PPP2R2B: variants seen among roughly 807,000 people sequenced by gnomAD.
The protein encoded by PPP2R2B is protein phosphatase 2 regulatory subunit Bbeta.
In PPP2R2B, 5 loss-of-function variants were observed where a neutral mutation model predicts 46.0. The ratio of observed to expected loss-of-function variants is 0.11; its 90% CI spans 0.06 to 0.23. The LOEUF (loss-of-function observed/expected upper bound fraction) is 0.23, where lower values mean the gene tolerates loss of function less well. Ranked by LOEUF, PPP2R2B falls within the 10% of genes least tolerant of loss-of-function variation. The probability of loss-of-function intolerance (pLI) is 1.00; values close to 1 mark genes in which losing one functional copy is unlikely to be tolerated. For missense variants in PPP2R2B, 367 were observed against 575.0 expected (o/e 0.64, Z 3.70); for synonymous variants, 215 against 206.7 (o/e 1.04, Z -0.34).
chr5:146,785,636 C>T (rs562332775), intron 2 of PPP2R2B, among the ~76,000 whole-genome samples: 2 of 152,208 alleles, frequency 1.3e-5, no homozygotes, highest in Non-Finnish European at 2.9e-5. Context: ...TTTAAACTTA[C>T]AAAGGCAAGC....
Position 146,669,191 on chromosome 5 carries a change from A to G in PPP2R2B, c.448-18467T>C, listed in dbSNP as rs569178157. The stretch of plus-strand genomic sequence containing the variant: ...TATTTTGCCTCTAATCTAGGAATAC[A>G]ATTATGTACTGAATTGTATCACATA... On this transcript the variant is annotated intron_variant, in intron 5 of 9. Transcript: ENST00000394411. 3.9e-5 allele frequency among the ~76,000 whole-genome samples: 6 copies of G among 152,336 alleles called. No individual in the cohort carries two copies. In the South Asian group the frequency reaches 1.2e-3, roughly 32 times the overall value.
chr5:146,648,775 T>C (rs1039691226), intron 6 of PPP2R2B, among the ~76,000 whole-genome samples: 1 of 152,124 alleles, frequency 6.6e-6, no homozygotes, highest in African/African-American at 2.4e-5. Context: ...CAAAATATTC[T>C]AGAAAGAGGG....
chr5:146,832,217 A>G (rs1758984273), intron 2 of PPP2R2B, among the ~76,000 whole-genome samples: 1 of 152,082 alleles, frequency 6.6e-6, no homozygotes, highest in Admixed American at 6.6e-5. Flanking sequence ...TTTAAAAAAT[A>G]AATTTAGCAT....
chr5:147,055,783 C>T, exon 1 of PPP2R2B: 1 of 1,563,518 alleles, frequency 6.4e-7, no homozygotes, highest in Non-Finnish European at 8.7e-7. Context: ...AAAAAACAGT[C>T]TCCTGAATCC....
intron 1 of PPP2R2B, among the ~76,000 whole-genome samples, chr5:146,935,665 T>A (rs1808646): frequency 0.22 from 33,051 of 151,944 alleles, 3,850 homozygotes; most frequent in East Asian, 0.38. Flanking sequence ...AAAGGAGGAT[T>A]GAAAGTAAAG....
intron 2 of PPP2R2B, among the ~76,000 whole-genome samples, chr5:146,715,413 G>A (rs1780439760): frequency 6.6e-6 from 1 of 152,292 alleles, no homozygotes; most frequent in East Asian, 1.9e-4. Flanking sequence ...GAAAAGCATA[G>A]TTTTTCTTTG....
At chr5:147,001,723 C>A (rs756596893) in intron 1 of PPP2R2B, among the ~76,000 whole-genome samples, 1 of 152,134 alleles carries the variant, frequency 6.6e-6, no homozygotes, top group Admixed American at 6.6e-5. Context: ...TCCTTAGAAT[C>A]TGGGGGCTAA....
chr5:146,781,168 A>AT (rs1270073774), intron 2 of PPP2R2B, among the ~76,000 whole-genome samples: 1 of 112,682 alleles, frequency 8.9e-6, no homozygotes, highest in African/African-American at 3.3e-5. Context: ...ATATATATAT[A>AT]TATATATAAA....
chr5:146,846,592 C>T (rs149227399), intron 2 of PPP2R2B, among the ~76,000 whole-genome samples: 6,372 of 151,918 alleles, frequency 0.042, 191 homozygotes, highest in African/African-American at 0.082. Flanking sequence ...GCAGGAGAAT[C>T]GCTTGAACCT....
At chr5:146,630,062 G>T (rs191413490) in intron 7 of PPP2R2B, among the ~76,000 whole-genome samples, 4 of 152,132 alleles carry the variant, frequency 2.6e-5, no homozygotes, top group African/African-American at 9.7e-5. Flanking sequence ...CAACCCACCT[G>T]CCTCAGCCTC....
At chr5:146,661,387 T>C (rs1468200304) in intron 5 of PPP2R2B, among the ~76,000 whole-genome samples, 2 of 152,130 alleles carry the variant, frequency 1.3e-5, no homozygotes, top group Non-Finnish European at 2.9e-5. Context: ...AGACCAGCAA[T>C]AAGTTTCAGT....
chr5:146,855,183 G>A (rs183704315), intron 2 of PPP2R2B, among the ~76,000 whole-genome samples: 71 of 152,208 alleles, frequency 4.7e-4, no homozygotes, highest in East Asian at 1.4e-3. Context: ...AAAAAAAATC[G>A]TACATTGAAA....
chr5:146,630,560 C>T (rs1397793115), intron 7 of PPP2R2B, among the ~76,000 whole-genome samples: 3 of 152,160 alleles, frequency 2.0e-5, no homozygotes, highest in Admixed American at 6.5e-5. Flanking sequence ...TAGCTAGTTG[C>T]CTCATCTCTA....
chr5:147,067,136 G>A (rs942334118), intron 2 of PPP2R2B, among the ~76,000 whole-genome samples: 7 of 152,148 alleles, frequency 4.6e-5, no homozygotes, highest in African/African-American at 1.7e-4. Context: ...GAATGGCTAA[G>A]TTAATTAACA....
At chr5:146,666,042 C>T (rs779798305) in intron 5 of PPP2R2B, among the ~76,000 whole-genome samples, 6 of 152,146 alleles carry the variant, frequency 3.9e-5, no homozygotes, top group Non-Finnish European at 8.8e-5. Flanking sequence ...TCTGAGAACA[C>T]GTATTGTAGC....
At chr5:147,031,854 T>C (rs1755802385) in intron 1 of PPP2R2B, among the ~76,000 whole-genome samples, 2 of 152,110 alleles carry the variant, frequency 1.3e-5, no homozygotes, top group South Asian at 4.1e-4. Context: ...TGTAGGATAA[T>C]GAAACTGGAT....
chr5:147,051,499 A>G (rs188702395), intron 1 of PPP2R2B, among the ~76,000 whole-genome samples: 2 of 152,254 alleles, frequency 1.3e-5, no homozygotes, highest in East Asian at 3.9e-4. Context: ...TCCTAGAAAG[A>G]CTTGACTCAA....
At chr5:146,972,630 T>A (rs1417929153) in intron 1 of PPP2R2B, among the ~76,000 whole-genome samples, 1 of 152,102 alleles carries the variant, frequency 6.6e-6, no homozygotes, top group East Asian at 1.9e-4. Flanking sequence ...GAGAATCACT[T>A]GAACACGGGA....
chr5:146,728,242 G>A (rs778560530), intron 2 of PPP2R2B, among the ~76,000 whole-genome samples: 11 of 146,582 alleles, frequency 7.5e-5, no homozygotes, highest in Non-Finnish European at 1.5e-4. Context: ...TTACCTATGA[G>A]ATCTCAGAAT....
Sources: gnomAD v4.1 joint callset for allele counts (sites outside exome capture counted in the v4.1 genomes callset) on GRCh38, gnomAD v4.1.1 for gene constraint, MANE v1.5 for transcripts, NCBI Gene and HGNC (gene_info 2026-07-23, HGNC 2026-07-21) for gene names.